The following HINFP variants were observed in gnomAD, a reference collection of about 807,000 sequenced individuals.
HINFP encodes the protein histone H4 transcription factor, also known as MBD2 (methyl-CpG-binding protein)-interacting zinc finger protein.
A neutral mutation model predicts 50.1 loss-of-function variants in HINFP; 20 were observed. The ratio of observed to expected loss-of-function variants is 0.40; its 90% confidence interval spans 0.28 to 0.58. HINFP has a LOEUF of 0.58. Among genes scored for constraint, HINFP ranks in the 20% least tolerant of loss-of-function variants. The probability of loss-of-function intolerance (pLI) is 0.45; values close to 1 mark genes in which losing one functional copy is unlikely to be tolerated. For missense variants in HINFP, 505 were observed against 664.1 expected, an observed-to-expected ratio of 0.76 and a Z score of 2.63; for synonymous variants, 247 against 243.7, an observed-to-expected ratio of 1.01 and a Z score of -0.13.
At chr11:119,127,711 A>C (rs1186020218) in intron 2 of HINFP, among the ~76,000 whole-genome samples, 2 of 151,596 alleles carry the variant, frequency 1.3e-5, no homozygotes, top group Non-Finnish European at 2.9e-5. Context: ...CCAATTTTTA[A>C]AAAAATTTTT....
Position 119,127,076 on chromosome 11 carries a change from G to T in HINFP, c.132G>T (p.Leu44=). The change falls in exon 2 of 10, where the codon CTG becomes CTT. Residue 44 remains leucine, a synonymous_variant. Coordinates refer to ENST00000350777, the MANE Select transcript of HINFP (RefSeq NM_198971.3). ...EHVTQHLQQH[L]HGSGEEEEEE... ...TCACTCAGCACCTGCAGCAGCACCT[G>T]CATGGCTCTGGGGAGGAGGAGGAAG... The T allele has an allele frequency of 6.2e-7, 1 of 1,614,068 alleles. No individual in the cohort carries two copies. The highest frequency in any genetic ancestry group is 8.5e-7 in the Non-Finnish European group (1 of 1,180,006).
intron 1 of HINFP, chr11:119,126,231 C>T (rs1251556560): frequency 6.6e-6 from 1 of 151,938 alleles, no homozygotes; most frequent in African/African-American, 2.4e-5. Context: ...TGGCGGGCGC[C>T]TGTAATCCCA....
intron 1 of HINFP, among the ~76,000 whole-genome samples, chr11:119,122,437 A>C (rs923229389): frequency 6.6e-6 from 1 of 152,208 alleles, no homozygotes; most frequent in Non-Finnish European, 1.5e-5. Context: ...CAATTGGGTA[A>C]ACGAGACTAG....
At chr11:119,123,910 C>T (rs1947240255) in intron 1 of HINFP, 1 of 152,080 alleles carries the variant, frequency 6.6e-6, no homozygotes, top group Non-Finnish European at 1.5e-5. Context: ...TGGTCTCAAT[C>T]TCCTGACCTT....
chr11:119,123,066 T>C (rs1396283433), intron 1 of HINFP, among the ~76,000 whole-genome samples: 1 of 131,914 alleles, frequency 7.6e-6, no homozygotes, highest in Non-Finnish European at 1.5e-5. Flanking sequence ...AGGCGGAGGT[T>C]GCAGTGAGCC....
Position 119,131,825 on chromosome 11 carries a change from C to A in HINFP, c.524-5C>A, listed in dbSNP as rs369381253. ...GGCAGGAGACTGATAGGGCTTCCTTCCCAGGCTGTACCTGCACCTTCAAGG... is the reference window on the plus strand; with the variant it reads ...GGCAGGAGACTGATAGGGCTTCCTTACCAGGCTGTACCTGCACCTTCAAGG... On this transcript the variant is annotated splice_polypyrimidine_tract_variant and splice_region_variant and intron_variant, in intron 4 of 9. Transcript: ENST00000350777. The surrounding 1 kb of genome is among the most constrained non-coding windows in gnomAD (Gnocchi z 4.2). 6.2e-7 allele frequency: 1 copy of A among 1,613,794 alleles called. No individual in the cohort carries two copies. The highest frequency in any genetic ancestry group is 2.2e-5 in the East Asian group (1 of 44,886).
chr11:119,134,141 A>G lies in HINFP; in HGVS notation c.1197A>G (p.Val399=), dbSNP rs745868998. ...TGCAGCTGGTTCGCTACGAGAGTGT[A>G]GAGCTGACACAGCAACTGCTGCGGC... ...MRLQLVRYES[V]ELTQQLLRQP... Residue 399 remains valine (V), a synonymous_variant, in exon 10 of 10, where the codon GTA becomes GTG. Coordinates refer to ENST00000350777, the MANE Select transcript of HINFP (RefSeq NM_198971.3). The surrounding 1 kb of genome is among the most constrained non-coding windows in gnomAD (Gnocchi z 4.3). 1.2e-6 allele frequency: 2 copies of G among 1,614,234 alleles called. No individual in the cohort carries two copies. Among genetic ancestry groups the G allele is most frequent in the African/African-American group, 1.3e-5 (1 of 75,060 alleles).
chr11:119,133,850 GTC>G (rs1420556242), intron 9 of HINFP: 3 of 599,288 alleles, frequency 5.0e-6, no homozygotes, highest in African/African-American at 1.9e-5. Context: ...CAGTCAGTCA[GTC>G]TCTGTTTTTC....
intron 1 of HINFP, chr11:119,124,294 G>A (rs1156679535): frequency 6.6e-6 from 1 of 152,168 alleles, no homozygotes; most frequent in Non-Finnish European, 1.5e-5. Context: ...AGGATCTTCT[G>A]TTTTTTCGTA....
chr11:119,133,760 A>G (rs1343729802), intron 9 of HINFP: 3 of 418,352 alleles, frequency 7.2e-6, no homozygotes, highest in Non-Finnish European at 1.3e-5. Flanking sequence ...TGCAGCTGGA[A>G]CTAGAGCTAG....
rs188598041 is a variant in HINFP, at chr11:119,131,483, G to A, written c.412-52G>A. On this transcript the variant is annotated intron_variant, in intron 3 of 9. Transcript: ENST00000350777. This position sits in a 1 kb window ranked among gnomAD's most constrained non-coding sequence, Gnocchi z 4.2. ...CCAAGAATTCTTCGGGCACATAGGG[G>A]TGAGTCCCTCTACCCACCCTCAGTC... is the stretch of plus-strand genomic sequence containing the variant. The A allele has an allele frequency of 1.6e-6, 2 of 1,231,156 alleles. No individual in the cohort carries two copies. Among genetic ancestry groups the A allele is most frequent in the East Asian group, 2.3e-5 (1 of 43,092 alleles). 76.3% of individuals were successfully genotyped at this position (1,231,156 alleles called of 1,614,324 possible).
At chr11:119,132,333 C>G in intron 5 of HINFP, 163 bp from the exon 6 acceptor site, 2 of 672,906 alleles carry the variant, frequency 3.0e-6, no homozygotes, top group Admixed American at 2.8e-5. Flanking sequence ...CTCAGGTTCT[C>G]TAAGTCCCAT....
At chr11:119,123,114 C>G (rs977572928) in intron 1 of HINFP, among the ~76,000 whole-genome samples, 2 of 105,566 alleles carry the variant, frequency 1.9e-5, no homozygotes, top group African/African-American at 7.8e-5. Flanking sequence ...GGCGACAGAG[C>G]AAGACTCCAT....
chr11:119,121,615 TG>T lies in HINFP; in HGVS notation c.-34del, dbSNP rs1338463629. ...AGATGGTCTGAGGTGGGAGAAGAGCTGAAGAGACCTGGAGCCGACAGACGGT... is the reference window on the plus strand; with the variant it reads ...AGATGGTCTGAGGTGGGAGAAGAGCTAAGAGACCTGGAGCCGACAGACGGT... On this transcript the variant is annotated 5_prime_UTR_variant, in exon 1 of 10. Transcript: ENST00000350777. The T allele has an allele frequency of 6.6e-6, 1 of 152,308 alleles. No individual in the cohort carries two copies. Among genetic ancestry groups the T allele is most frequent in the Non-Finnish European group, 1.5e-5 (1 of 68,112 alleles). 9.4% of individuals were successfully genotyped at this position (152,308 alleles called of 1,614,324 possible).
chr11:119,126,891 T>C, intron 1 of HINFP, 44 bp from the exon 2 acceptor site: 9 of 1,551,210 alleles, frequency 5.8e-6, no homozygotes, highest in Non-Finnish European at 7.9e-6. Flanking sequence ...CAGCAGCACC[T>C]GGGTGGAATT....
At chr11:119,132,820 A>C in intron 7 of HINFP, 39 bp downstream of exon 7, 1 of 1,613,972 alleles carries the variant, frequency 6.2e-7, no homozygotes, top group Non-Finnish European at 8.5e-7. Flanking sequence ...CTCATGTTCC[A>C]GTGTTCCCCA....
intron 1 of HINFP, chr11:119,125,232 T>TA: frequency 6.6e-6 from 1 of 151,284 alleles, no homozygotes; most frequent in South Asian, 2.1e-4. Context: ...AGAGACAGGG[T>TA]TTCACCATGT....
chr11:119,122,187 A>G (rs893016357), intron 1 of HINFP, among the ~76,000 whole-genome samples: 1 of 152,160 alleles, frequency 6.6e-6, no homozygotes, highest in African/African-American at 2.4e-5. Context: ...TCATGCCCCT[A>G]TCTCCTCAGA....
intron 5 of HINFP, 115 bp from the exon 6 acceptor site, chr11:119,132,381 A>G (rs1947812859): frequency 1.0e-6 from 1 of 984,050 alleles, no homozygotes; most frequent in Admixed American, 2.0e-5. Flanking sequence ...ATAGCTCCCT[A>G]AGCTCTCCTT....
Sources: allele counts gnomAD v4.1 joint callset (sites outside exome capture counted in the v4.1 genomes callset), GRCh38; gene constraint gnomAD v4.1.1; non-coding constraint Gnocchi (gnomAD v3.1); transcripts MANE v1.5; gene names NCBI Gene and HGNC (gene_info 2026-07-23, HGNC 2026-07-21).